PRKD1: variants seen among roughly 807,000 people sequenced by gnomAD.
PRKD1 encodes serine/threonine-protein kinase D1.
In PRKD1, 63 loss-of-function variants were observed where a neutral mutation model predicts 95.9. The observed-to-expected ratio is 0.66, with a 90% CI of 0.54 to 0.81. PRKD1 has a LOEUF of 0.81. PRKD1 is among the 30% of genes least tolerant of loss of function. PRKD1 has a pLI of 0.00. For missense variants in PRKD1, 1,048 were observed against 1,165.3 expected (o/e 0.90, Z 1.47); for synonymous variants, 425 against 423.1 (o/e 1.00, Z -0.05).
chr14:29,670,753 T>G (rs1882792677), intron 2 of PRKD1, among the ~76,000 whole-genome samples: 1 of 152,170 alleles, frequency 6.6e-6, no homozygotes, highest in Non-Finnish European at 1.5e-5. Flanking sequence ...TTCCTGCTTC[T>G]CTGTTGATCC....
At chr14:29,815,589 T>G (rs1264726654) in intron 1 of PRKD1, among the ~76,000 whole-genome samples, 1 of 152,252 alleles carries the variant, frequency 6.6e-6, no homozygotes, top group East Asian at 1.9e-4. Flanking sequence ...AGGATTCAGC[T>G]TAACACATCT....
chr14:29,778,354 T>C (rs191791849), intron 1 of PRKD1, among the ~76,000 whole-genome samples: 3 of 152,148 alleles, frequency 2.0e-5, no homozygotes, highest in Admixed American at 1.3e-4. Context: ...AGGAGCTGGT[T>C]TTTTGAAAAG....
At chr14:29,641,823 T>C (rs1331783994) in intron 4 of PRKD1, among the ~76,000 whole-genome samples, 1 of 152,042 alleles carries the variant, frequency 6.6e-6, no homozygotes, top group Non-Finnish European at 1.5e-5. Context: ...TATTTATCTA[T>C]ATTTATCAAT....
At chr14:29,639,925 C>A (rs1350861610) in intron 4 of PRKD1, among the ~76,000 whole-genome samples, 1 of 151,916 alleles carries the variant, frequency 6.6e-6, no homozygotes, top group Non-Finnish European at 1.5e-5. Context: ...ACCATGTTTT[C>A]TATGTTTTTG....
intron 2 of PRKD1, among the ~76,000 whole-genome samples, chr14:29,682,828 A>G (rs1485126871): frequency 6.6e-6 from 1 of 152,208 alleles, no homozygotes; most frequent in Non-Finnish European, 1.5e-5. Context: ...CAAAGCTGGG[A>G]GGAGGCAGGC....
chr14:29,901,558 G>A (rs74643707), intron 1 of PRKD1, among the ~76,000 whole-genome samples: 1,592 of 152,074 alleles, frequency 0.01, 20 homozygotes, highest in East Asian at 0.067. Context: ...TTTGTCAAAA[G>A]CTGAAATTAT....
intron 1 of PRKD1, among the ~76,000 whole-genome samples, chr14:29,918,579 A>G (rs973002938): frequency 6.6e-6 from 1 of 152,000 alleles, no homozygotes; most frequent in Non-Finnish European, 1.5e-5. Flanking sequence ...GGCCTTTTCA[A>G]TTTACCACTT....
At chr14:29,794,779 T>A (rs967641573) in intron 1 of PRKD1, among the ~76,000 whole-genome samples, 3 of 152,066 alleles carry the variant, frequency 2.0e-5, no homozygotes, top group Non-Finnish European at 2.9e-5. Flanking sequence ...TTTGAATTGT[T>A]TTCTTGAGGA....
chr14:29,580,433 T>G (rs545669914), intron 16 of PRKD1, among the ~76,000 whole-genome samples: 1 of 151,946 alleles, frequency 6.6e-6, no homozygotes, highest in Non-Finnish European at 1.5e-5. Context: ...AAGGAGAGAA[T>G]TAGAGGAGAA....
At chr14:29,703,134 C>T (rs1884921250) in intron 2 of PRKD1, among the ~76,000 whole-genome samples, 1 of 152,016 alleles carries the variant, frequency 6.6e-6, no homozygotes, top group Non-Finnish European at 1.5e-5. Flanking sequence ...TCTCAGTTAC[C>T]TCATCAATAT....
At chr14:29,892,684 G>T (rs1176990343) in intron 1 of PRKD1, among the ~76,000 whole-genome samples, 1 of 152,120 alleles carries the variant, frequency 6.6e-6, no homozygotes, top group Non-Finnish European at 1.5e-5. Context: ...AGTAACTTTA[G>T]ACATAGTACC....
chr14:29,602,022 T>C (rs1416757251), intron 13 of PRKD1, among the ~76,000 whole-genome samples: 1 of 152,236 alleles, frequency 6.6e-6, no homozygotes, highest in African/African-American at 2.4e-5. Flanking sequence ...AGCATCTTCA[T>C]TGATTCTTTT....
At position 29,597,846 on chromosome 14, in the gene PRKD1, A is replaced by G. The variant is rs45524531; in HGVS notation, c.2167-88T>C. ...CAGATTCACCAGATACAACCATAAT[A>G]TTTTAAATACTTTACCTTTACATTA... On this transcript the variant is annotated intron_variant, in intron 15 of 17. Transcript: ENST00000331968. The G allele has an allele frequency of 4.0e-4, 515 of 1,288,140 alleles. 2 individuals are homozygous for G. In the African/African-American group the frequency reaches 7.3e-3, roughly 18 times the overall value. 79.8% of individuals were successfully genotyped at this position (1,288,140 alleles called of 1,614,324 possible).
chr14:29,787,760 C>G (rs528357263), intron 1 of PRKD1, among the ~76,000 whole-genome samples: 1 of 152,136 alleles, frequency 6.6e-6, no homozygotes, highest in Non-Finnish European at 1.5e-5. Context: ...TTGCAGGCAG[C>G]TTATAGTTAG....
At chr14:29,736,176 T>C (rs943734414) in intron 1 of PRKD1, among the ~76,000 whole-genome samples, 1 of 152,206 alleles carries the variant, frequency 6.6e-6, no homozygotes, top group Non-Finnish European at 1.5e-5. Context: ...TTAGGACAGT[T>C]GTCACGGTAG....
intron 16 of PRKD1, among the ~76,000 whole-genome samples, chr14:29,581,775 C>T (rs1178079625): frequency 1.3e-5 from 2 of 152,166 alleles, no homozygotes; most frequent in African/African-American, 4.8e-5. Flanking sequence ...TGCCTCATAT[C>T]GTTAATTCTC....
At chr14:29,771,615 G>A (rs1458031238) in intron 1 of PRKD1, among the ~76,000 whole-genome samples, 1 of 152,084 alleles carries the variant, frequency 6.6e-6, no homozygotes, top group African/African-American at 2.4e-5. Flanking sequence ...GTCCCTACTT[G>A]GGCAATGCCC....
intron 1 of PRKD1, among the ~76,000 whole-genome samples, chr14:29,911,648 C>CT (rs1344857166): frequency 6.6e-6 from 1 of 152,130 alleles, no homozygotes; most frequent in Non-Finnish European, 1.5e-5. Context: ...CACTTTGGGG[C>CT]TTATCTGAAT....
intron 1 of PRKD1, among the ~76,000 whole-genome samples, chr14:29,871,660 T>C (rs1337105946): frequency 6.6e-6 from 1 of 152,162 alleles, no homozygotes; most frequent in East Asian, 1.9e-4. Context: ...TCAAGTCAAT[T>C]CTCAATTAAT....
Sources: allele counts gnomAD v4.1 joint callset (sites outside exome capture counted in the v4.1 genomes callset), GRCh38; gene constraint gnomAD v4.1.1; transcripts MANE v1.5; gene names NCBI Gene and HGNC (gene_info 2026-07-23, HGNC 2026-07-21).